Variants in SGCD observed in about 807,000 individuals in gnomAD.
SGCD encodes the protein delta-sarcoglycan.
A neutral mutation model predicts 36.6 loss-of-function variants in SGCD; 18 were observed. The observed-to-expected ratio is 0.49, with a 90% CI of 0.34 to 0.73. The LOEUF is 0.73. Ranked by LOEUF, SGCD falls within the 30% of genes least tolerant of loss-of-function variation. The pLI is 0.01. For missense variants in SGCD, 387 were observed against 346.7 expected (o/e 1.12, Z -0.92); for synonymous variants, 133 against 130.6 (o/e 1.02, Z -0.12).
chr5:156,696,923 C>G (rs1754340386), intron 7 of SGCD, among the ~76,000 whole-genome samples: 1 of 3,954 alleles, frequency 2.5e-4, no homozygotes, highest in Non-Finnish European at 4.9e-4. Flanking sequence ...ACAACACACA[C>G]ACACACACAC....
intron 1 of SGCD, among the ~76,000 whole-genome samples, chr5:155,959,418 C>T (rs938171127): frequency 6.6e-6 from 1 of 152,060 alleles, no homozygotes; most frequent in Non-Finnish European, 1.5e-5. Flanking sequence ...CCTAGTAGGT[C>T]CCAAACTTTC....
At chr5:156,078,712 A>T (rs1303627723) in intron 1 of SGCD, among the ~76,000 whole-genome samples, 1 of 150,120 alleles carries the variant, frequency 6.7e-6, no homozygotes, top group Non-Finnish European at 1.5e-5. Context: ...ATATATAGAA[A>T]GTTCCCTTGC....
At chr5:156,654,733 T>C (rs949688230) in intron 7 of SGCD, among the ~76,000 whole-genome samples, 3 of 152,184 alleles carry the variant, frequency 2.0e-5, no homozygotes, top group African/African-American at 2.4e-5. Context: ...AATCCTGTTA[T>C]ATTATTTTGA....
At chr5:156,263,371 A>G (rs1765916678) in intron 3 of SGCD, among the ~76,000 whole-genome samples, 1 of 151,924 alleles carries the variant, frequency 6.6e-6, no homozygotes, top group African/African-American at 2.4e-5. Flanking sequence ...GCATTTTTTC[A>G]TATGTTTGTT....
chr5:155,922,723 C>T (rs983088531), intron 1 of SGCD, among the ~76,000 whole-genome samples: 24 of 152,116 alleles, frequency 1.6e-4, no homozygotes, highest in African/African-American at 5.3e-4. Context: ...CTTATTTCCT[C>T]TCCCCCACTA....
chr5:156,590,403 G>T (rs535018262), intron 5 of SGCD, among the ~76,000 whole-genome samples: 1 of 152,240 alleles, frequency 6.6e-6, no homozygotes, highest in Admixed American at 6.5e-5. Context: ...AGGAACTGCT[G>T]CCCGGCAGAG....
chr5:156,326,525 C>T (rs921974750), upstream of SGCD, among the ~76,000 whole-genome samples: 9 of 152,260 alleles, frequency 5.9e-5, no homozygotes, highest in African/African-American at 1.2e-4. Flanking sequence ...GGGACAGCTC[C>T]GAAGAACTGT....
At chr5:155,981,419 A>G (rs1343869706) in intron 1 of SGCD, among the ~76,000 whole-genome samples, 3 of 152,190 alleles carry the variant, frequency 2.0e-5, no homozygotes, top group Non-Finnish European at 4.4e-5. Flanking sequence ...GAGGAAGGGC[A>G]GGGCTCTAGA....
At chr5:156,286,593 A>C (rs1317966670) in intron 3 of SGCD, among the ~76,000 whole-genome samples, 1 of 152,156 alleles carries the variant, frequency 6.6e-6, no homozygotes, top group South Asian at 2.1e-4. Flanking sequence ...CAAACACCGC[A>C]TGTTCTCACT....
chr5:155,995,675 C>T (rs1054687961), intron 1 of SGCD, among the ~76,000 whole-genome samples: 8 of 152,108 alleles, frequency 5.3e-5, no homozygotes, highest in African/African-American at 1.9e-4. Flanking sequence ...AATCCTAATA[C>T]TACTCAGCAA....
intron 3 of SGCD, among the ~76,000 whole-genome samples, chr5:156,482,236 C>T (rs543876701): frequency 2.6e-5 from 4 of 151,640 alleles, no homozygotes; most frequent in African/African-American, 7.3e-5. Context: ...GATTTCAGTT[C>T]GTGCTGGAAG....
At chr5:155,929,196 T>G (rs1230494251) in intron 1 of SGCD, among the ~76,000 whole-genome samples, 1 of 152,218 alleles carries the variant, frequency 6.6e-6, no homozygotes, top group Non-Finnish European at 1.5e-5. Context: ...CTTGAAATAC[T>G]GATCTAAAGT....
chr5:155,813,728 T>A, the SGCD span, among the ~76,000 whole-genome samples: 1 of 152,180 alleles, frequency 6.6e-6, no homozygotes, highest in Non-Finnish European at 1.5e-5. Context: ...TGGCTAGACT[T>A]TTCCTTTGAT....
At chr5:156,400,744 A>G (rs1190244132) in intron 3 of SGCD, among the ~76,000 whole-genome samples, 1 of 152,192 alleles carries the variant, frequency 6.6e-6, no homozygotes, top group Non-Finnish European at 1.5e-5. Flanking sequence ...GCAGCTTTTT[A>G]CTTCTTGGAC....
upstream of SGCD, among the ~76,000 whole-genome samples, chr5:155,866,822 C>A (rs1755533768): frequency 6.6e-6 from 1 of 152,122 alleles, no homozygotes. Context: ...GAAACTTGGT[C>A]TCCCCTCCTC....
Position 156,745,517 on chromosome 5 carries a change from C to A in SGCD, c.576-12064C>A, listed in dbSNP as rs187075744. On this transcript the variant is annotated intron_variant, in intron 7 of 8. Coordinates refer to ENST00000337851, the MANE Select transcript of SGCD (RefSeq NM_000337.6). ...TCAAATAATTCCTGCAGATAAAAATCCAAGCAATGTGAACTCACAGTCAAG... is the reference window on the plus strand; with the variant it reads ...TCAAATAATTCCTGCAGATAAAAATACAAGCAATGTGAACTCACAGTCAAG... Among the ~76,000 whole-genome samples, 11 of 152,204 alleles carry A rather than the reference C, an allele frequency of 7.2e-5. No individual in the cohort carries two copies. In the East Asian group the frequency reaches 1.9e-3, roughly 27 times the overall value.
chr5:156,137,987 A>G (rs1001102196), intron 3 of SGCD, among the ~76,000 whole-genome samples: 2 of 152,176 alleles, frequency 1.3e-5, no homozygotes, highest in East Asian at 1.9e-4. Flanking sequence ...TGACAAAGGT[A>G]TACACTCATG....
chr5:156,593,790 G>A (rs1760819779), intron 5 of SGCD, among the ~76,000 whole-genome samples: 1 of 152,132 alleles, frequency 6.6e-6, no homozygotes, highest in African/African-American at 2.4e-5. Flanking sequence ...TCTTTGGCTG[G>A]AAGGCACTGG....
At chr5:156,394,879 G>A (rs1442946332) in intron 3 of SGCD, among the ~76,000 whole-genome samples, 1 of 152,230 alleles carries the variant, frequency 6.6e-6, no homozygotes, top group African/African-American at 2.4e-5. Context: ...AGGAAACACT[G>A]TGTAAACATA....
Sources: allele counts gnomAD v4.1 joint callset (sites outside exome capture counted in the v4.1 genomes callset), GRCh38; gene constraint gnomAD v4.1.1; transcripts MANE v1.5; gene names NCBI Gene and HGNC (gene_info 2026-07-23, HGNC 2026-07-21).